The following PRKN variants were observed in gnomAD, a reference collection of about 807,000 sequenced individuals.
PRKN encodes the protein parkin RBR E3 ubiquitin protein ligase.
Under a neutral mutation model 59.5 loss-of-function variants are expected in PRKN, and 56 were observed. The ratio of observed to expected loss-of-function variants is 0.94; its 90% CI spans 0.76 to 1.18. The LOEUF (loss-of-function observed/expected upper bound fraction) is 1.18. Ranked by LOEUF, PRKN falls within the 50% of genes most tolerant of loss-of-function variation. The probability of loss-of-function intolerance (pLI) is 0.00; values close to 1 mark genes in which losing one functional copy is unlikely to be tolerated. For synonymous variants in PRKN, 250 were observed against 222.1 expected (o/e 1.13, Z -1.12); for missense variants, 657 against 596.4 (o/e 1.10, Z -1.06).
intron 5 of PRKN, among the ~76,000 whole-genome samples, chr6:162,040,192 C>CT: frequency 6.6e-6 from 1 of 152,278 alleles, no homozygotes; most frequent in Admixed American, 6.5e-5. Flanking sequence ...GCCTTTCCCT[C>CT]TGGTCTCTCC....
At chr6:162,489,681 CT>C (rs1280792456) in intron 1 of PRKN, among the ~76,000 whole-genome samples, 1 of 152,202 alleles carries the variant, frequency 6.6e-6, no homozygotes, top group Non-Finnish European at 1.5e-5. Flanking sequence ...TTCCCACCCC[CT>C]GGTCACTATC....
chr6:161,409,308 T>C lies in PRKN; in HGVS notation c.1084-22431A>G, dbSNP rs1787418896. Among the ~76,000 whole-genome samples, 1 of 152,212 alleles carries C rather than the reference T, an allele frequency of 6.6e-6. No individual in the cohort carries two copies. Among genetic ancestry groups the C allele is most frequent in the Non-Finnish European group, 1.5e-5 (1 of 68,042 alleles). On this transcript the variant is annotated intron_variant, in intron 9 of 11. Transcript: ENST00000366898. This position sits in a 1 kb window ranked among gnomAD's most constrained non-coding sequence, Gnocchi z 4.6. ...ATACTCTTCATTACTACAAGCATTT[T>C]GGACAGAAAATCTCTGAGACGATGA...
intron 2 of PRKN, among the ~76,000 whole-genome samples, chr6:162,393,155 C>CTTTTTTTTTTGTTTTTTT (rs1787292360): frequency 1.2e-5 from 1 of 80,190 alleles, no homozygotes; most frequent in African/African-American, 5.4e-5. Flanking sequence ...ATAGGAGATT[C>CTTTTTTTTTTGTTTTTTT]TTTTTTTTTT....
At chr6:161,481,571 T>C (rs1462098895) in intron 9 of PRKN, among the ~76,000 whole-genome samples, 3 of 151,788 alleles carry the variant, frequency 2.0e-5, no homozygotes, top group Non-Finnish European at 4.4e-5. Flanking sequence ...ACCACTGCAC[T>C]AGAACCTGGC....
chr6:162,498,676 A>G (rs560744173), intron 1 of PRKN, among the ~76,000 whole-genome samples: 2 of 151,660 alleles, frequency 1.3e-5, no homozygotes, highest in African/African-American at 4.8e-5. Context: ...AGAACAGTCC[A>G]TAAACTGCCG....
chr6:161,974,747 G>C (rs566134258), intron 5 of PRKN, among the ~76,000 whole-genome samples: 1 of 152,066 alleles, frequency 6.6e-6, no homozygotes, highest in African/African-American at 2.4e-5. Context: ...TTCCACTTGC[G>C]TTTAACTACC....
intron 1 of PRKN, among the ~76,000 whole-genome samples, chr6:162,529,688 C>G (rs1398209208): frequency 6.6e-6 from 1 of 152,118 alleles, no homozygotes; most frequent in African/African-American, 2.4e-5. Context: ...ACACCCAGGG[C>G]TTATATACCC....
intron 4 of PRKN, among the ~76,000 whole-genome samples, chr6:162,067,761 G>A (rs925579010): frequency 2.0e-5 from 3 of 152,096 alleles, no homozygotes; most frequent in Non-Finnish European, 2.9e-5. Context: ...AAACAAGGTG[G>A]GCAGTGCCAC....
At chr6:162,514,393 G>C (rs989578925) in intron 1 of PRKN, among the ~76,000 whole-genome samples, 1 of 152,200 alleles carries the variant, frequency 6.6e-6, no homozygotes. Flanking sequence ...GTTAGAAAAA[G>C]TGAGTCGCCC....
In PRKN at chr6:161,454,410, C is replaced by G. The variant is rs1238228203; in HGVS notation, c.1084-67533G>C. Among the ~76,000 whole-genome samples the G allele has an allele frequency of 1.3e-5, 2 of 152,148 alleles. No individual in the cohort carries two copies. The highest frequency in any genetic ancestry group is 2.9e-5 in the Non-Finnish European group (2 of 68,022). ...GGTGGCTTTGGGAAACCCTTGACTGCTTGAGGAATCCTTTCCAATTCCTTC... is the reference window on the plus strand; with the variant it reads ...GGTGGCTTTGGGAAACCCTTGACTGGTTGAGGAATCCTTTCCAATTCCTTC... On this transcript the variant is annotated intron_variant, in intron 9 of 11. Coordinates refer to ENST00000366898, the MANE Select transcript of PRKN (RefSeq NM_004562.3). The surrounding 1 kb of genome is among the most constrained non-coding windows in gnomAD (Gnocchi z 4.6).
rs75761245 is a variant in PRKN at position 162,326,675 on chromosome 6, A to C, written c.172-63910T>G. On this transcript the variant is annotated intron_variant, in intron 2 of 11. Coordinates refer to ENST00000366898, the MANE Select transcript of PRKN (RefSeq NM_004562.3). ...CTCCCCTGAACTGCCCAAGGTTTGCATCATAGATTAAAAACCAATCTCAGA... is the reference window on the plus strand; with the variant it reads ...CTCCCCTGAACTGCCCAAGGTTTGCCTCATAGATTAAAAACCAATCTCAGA... Among the ~76,000 whole-genome samples the C allele has an allele frequency of 9.2e-3, 1,400 of 152,314 alleles. 25 individuals carry two copies. Among genetic ancestry groups the C allele is most frequent in the African/African-American group, 0.032 (1,310 of 41,568 alleles).
chr6:162,176,580 A>G (rs749794498), intron 4 of PRKN, among the ~76,000 whole-genome samples: 4 of 145,572 alleles, frequency 2.7e-5, no homozygotes, highest in Non-Finnish European at 6.1e-5. Flanking sequence ...ATTTCAGGCC[A>G]ATTAAAAGTT....
intron 2 of PRKN, among the ~76,000 whole-genome samples, chr6:162,332,976 C>A (rs531004124): frequency 1.5e-4 from 23 of 152,184 alleles, no homozygotes; most frequent in Non-Finnish European, 3.2e-4. Context: ...CAGGGCTCTA[C>A]ATGCTGCTAT....
chr6:161,869,898 A>C (rs772547640), intron 6 of PRKN, among the ~76,000 whole-genome samples: 2 of 151,848 alleles, frequency 1.3e-5, no homozygotes, highest in Non-Finnish European at 2.9e-5. Flanking sequence ...ACATGTGGGA[A>C]GATAATCTAC....
chr6:162,335,301 C>A (rs1783789304), intron 2 of PRKN, among the ~76,000 whole-genome samples: 1 of 152,056 alleles, frequency 6.6e-6, no homozygotes, highest in Admixed American at 6.5e-5. Flanking sequence ...CTCGGCCTCC[C>A]AAAGTGCTGG....
intron 2 of PRKN, among the ~76,000 whole-genome samples, chr6:162,432,434 G>T (rs892223645): frequency 6.6e-6 from 1 of 152,078 alleles, no homozygotes; most frequent in Non-Finnish European, 1.5e-5. Flanking sequence ...GCTGAGGCAG[G>T]AGAATCGCTT....
At chr6:162,456,919 C>T (rs1039526228) in intron 1 of PRKN, among the ~76,000 whole-genome samples, 4 of 152,136 alleles carry the variant, frequency 2.6e-5, no homozygotes, top group African/African-American at 4.8e-5. Context: ...TACTTCAGTA[C>T]TATGCTTGGG....
intron 9 of PRKN, among the ~76,000 whole-genome samples, chr6:161,519,770 G>A (rs775122204): frequency 1.1e-4 from 17 of 152,252 alleles, no homozygotes; most frequent in Admixed American, 7.2e-4. Flanking sequence ...CTTCATTGAC[G>A]ATGCAATTCT....
At chr6:161,810,672 T>C (rs1202868644) in intron 6 of PRKN, among the ~76,000 whole-genome samples, 2 of 152,228 alleles carry the variant, frequency 1.3e-5, no homozygotes, top group Non-Finnish European at 2.9e-5. Context: ...AAAATACCTA[T>C]GCTAAAAATG....
Sources: allele counts gnomAD v4.1 joint callset (sites outside exome capture counted in the v4.1 genomes callset), GRCh38; gene constraint gnomAD v4.1.1; non-coding constraint Gnocchi (gnomAD v3.1); transcripts MANE v1.5; gene names NCBI Gene and HGNC (gene_info 2026-07-23, HGNC 2026-07-21).